Variants in ITGB8 observed in about 807,000 individuals in gnomAD.
ITGB8 encodes the protein integrin subunit beta 8.
Under a neutral mutation model 89.5 loss-of-function variants are expected in ITGB8, and 30 were observed. The observed-to-expected ratio is 0.34, with a 90% confidence interval of 0.25 to 0.45. The LOEUF (loss-of-function observed/expected upper bound fraction) is 0.45. Among genes scored for constraint, ITGB8 ranks in the 20% least tolerant of loss-of-function variants. The probability of loss-of-function intolerance (pLI) is 1.00; values close to 1 mark genes in which losing one functional copy is unlikely to be tolerated. For synonymous variants in ITGB8, 335 were observed against 320.4 expected (o/e 1.05, Z -0.49); for missense variants, 836 against 933.3 (o/e 0.90, Z 1.36).
At chr7:20,333,398 C>T (rs1434391642) in intron 1 of ITGB8, among the ~76,000 whole-genome samples, 1 of 152,048 alleles carries the variant, frequency 6.6e-6, no homozygotes, top group East Asian at 1.9e-4. Context: ...GCAAATTTTC[C>T]GCTAAGCATA....
At chr7:20,403,079 A>G (rs1787379446) in intron 10 of ITGB8, among the ~76,000 whole-genome samples, 1 of 152,240 alleles carries the variant, frequency 6.6e-6, no homozygotes, top group African/African-American at 2.4e-5. Flanking sequence ...AATAAATGCT[A>G]TAATGTAGTC....
rs1414977955 is a variant in ITGB8 at position 20,331,780 on chromosome 7, C to CGGGCGCG, written c.-21_-15dup. The CGGGCGCG allele has an allele frequency of 6.2e-7, 1 of 1,601,360 alleles. No homozygotes were observed. Among genetic ancestry groups the CGGGCGCG allele is most frequent in the Non-Finnish European group, 8.5e-7 (1 of 1,174,282 alleles). ...CCGCGTCCGGAAGGCAGTCAGGCGG[C>CGGGCGCG]GGGCGCGGGGCGGGCTGTTTTGCAT... On this transcript the variant is annotated 5_prime_UTR_variant, in exon 1 of 14. Coordinates refer to ENST00000222573, the MANE Select transcript of ITGB8 (RefSeq NM_002214.3).
chr7:20,409,919 CCGA>C lies in ITGB8; in HGVS notation c.2235_2237del (p.Arg746del). On this transcript the variant is annotated inframe_deletion, in exon 14 of 14. Coordinates refer to ENST00000222573, the MANE Select transcript of ITGB8 (RefSeq NM_002214.3). Reference sequence around the variant, plus strand: ...GTGTTTGCACAAGAGCAGTCACCTACCGACGTGAGAAGCCTGAAGAAATAAAAA... The same window carrying C: ...GTGTTTGCACAAGAGCAGTCACCTACCGTGAGAAGCCTGAAGAAATAAAAA... The C allele has an allele frequency of 6.2e-7, 1 of 1,613,560 alleles. No homozygotes were observed. The highest frequency in any genetic ancestry group is 8.5e-7 in the Non-Finnish European group (1 of 1,179,654).
chr7:20,349,778 A>G (rs1785051516), intron 1 of ITGB8, among the ~76,000 whole-genome samples: 1 of 152,172 alleles, frequency 6.6e-6, no homozygotes, highest in South Asian at 2.1e-4. Context: ...GGCGGGAAAG[A>G]AATATATTCC....
chr7:20,378,775 G>A (rs1786257383), intron 3 of ITGB8, among the ~76,000 whole-genome samples: 1 of 152,096 alleles, frequency 6.6e-6, no homozygotes, highest in Non-Finnish European at 1.5e-5. Context: ...TATGGAGCTG[G>A]CCCATTTGTT....
rs754329333 is a variant in ITGB8 at position 20,404,827 on chromosome 7, C to G, written c.1887C>G (p.Thr629=). 1 of 1,614,182 alleles carries G rather than the reference C, an allele frequency of 6.2e-7. No individual in the cohort carries two copies. Among genetic ancestry groups the G allele is most frequent in the Non-Finnish European group, 8.5e-7 (1 of 1,180,002 alleles). ...GCCGCTTCTGTGAACACTGCCCCAC[C>G]TGTTATACAGCCTGCAAGGAAAACT... is the stretch of plus-strand genomic sequence containing the variant. The part of the protein sequence containing the change: ...SIGRFCEHCP[T]CYTACKENWN... The change falls in exon 11 of 14, where the codon ACC becomes ACG. Residue 629 remains threonine (T), a synonymous_variant. Coordinates refer to ENST00000222573, the MANE Select transcript of ITGB8 (RefSeq NM_002214.3).
At chr7:20,368,494 A>G (rs1785794363) in intron 3 of ITGB8, among the ~76,000 whole-genome samples, 1 of 152,150 alleles carries the variant, frequency 6.6e-6, no homozygotes, top group Non-Finnish European at 1.5e-5. Flanking sequence ...GAAAGTTTGA[A>G]CATTTTCCGT....
At chr7:20,359,241 C>G (rs911025786) in intron 1 of ITGB8, among the ~76,000 whole-genome samples, 2 of 152,170 alleles carry the variant, frequency 1.3e-5, no homozygotes, top group Non-Finnish European at 2.9e-5. Context: ...AGAGGAGGAT[C>G]TGAGGATCTG....
intron 3 of ITGB8, chr7:20,377,320 C>A (rs1358043559): frequency 6.6e-6 from 1 of 152,134 alleles, no homozygotes; most frequent in Admixed American, 6.5e-5. Context: ...CAAAAACAAT[C>A]TTTTTTAAAT....
intron 3 of ITGB8, among the ~76,000 whole-genome samples, chr7:20,370,377 T>C (rs1785878881): frequency 2.0e-5 from 3 of 151,540 alleles, no homozygotes; most frequent in East Asian, 3.9e-4. Context: ...TGACTCAAGA[T>C]AGAGAACCCT....
chr7:20,394,728 G>A (rs1411925950), intron 7 of ITGB8, among the ~76,000 whole-genome samples, 168 bp from the exon 8 acceptor site: 1 of 152,172 alleles, frequency 6.6e-6, no homozygotes, highest in East Asian at 1.9e-4. Context: ...ATGGGTATAT[G>A]TTCTGGCTGC....
At chr7:20,375,403 G>T (rs1786099413) in intron 3 of ITGB8, among the ~76,000 whole-genome samples, 1 of 150,786 alleles carries the variant, frequency 6.6e-6, no homozygotes, top group South Asian at 2.1e-4. Context: ...CAGAAGAATT[G>T]AATGATATTT....
In ITGB8 at chr7:20,379,115, T is replaced by C; in HGVS notation, c.453T>C (p.Tyr151=). 3.1e-6 allele frequency: 5 copies of C among 1,601,838 alleles called. No homozygotes were observed. Among genetic ancestry groups the C allele is most frequent in the Non-Finnish European group, 4.3e-6 (5 of 1,172,094 alleles). ...AGAAATATCCTGTGGATCTTTATTATCTTGTTGATGTCTCAGCATCAATGC... is the reference window on the plus strand; with the variant it reads ...AGAAATATCCTGTGGATCTTTATTACCTTGTTGATGTCTCAGCATCAATGC... ...PLKKYPVDLY[Y]LVDVSASMHN... The change falls in exon 4 of 14, where the codon TAT becomes TAC. Residue 151 remains tyrosine (Y), a synonymous_variant. Coordinates refer to ENST00000222573, the MANE Select transcript of ITGB8 (RefSeq NM_002214.3).
intron 1 of ITGB8, chr7:20,346,897 T>C: frequency 1.0e-6 from 1 of 971,344 alleles, no homozygotes; most frequent in Non-Finnish European, 1.2e-6. Flanking sequence ...TGCTATGGTC[T>C]AAATGTTTTT....
intron 1 of ITGB8, among the ~76,000 whole-genome samples, chr7:20,348,766 A>G (rs1054921223): frequency 2.0e-5 from 3 of 152,198 alleles, no homozygotes; most frequent in Non-Finnish European, 4.4e-5. Context: ...ATAGAGATTG[A>G]TAAGTGTTGC....
intron 9 of ITGB8, among the ~76,000 whole-genome samples, chr7:20,399,548 G>A (rs1787221453): frequency 7.3e-6 from 1 of 137,268 alleles, no homozygotes; most frequent in Admixed American, 7.7e-5. Context: ...ATACAAAATG[G>A]GAAGAGTCAT....
At chr7:20,407,105 G>A (rs1367987893) in intron 12 of ITGB8, among the ~76,000 whole-genome samples, 1 of 151,990 alleles carries the variant, frequency 6.6e-6, no homozygotes, top group Non-Finnish European at 1.5e-5. Flanking sequence ...AGTTTACATG[G>A]GGAACTCATA....
In ITGB8 at chr7:20,411,059, A is replaced by T. The variant is rs1159608085; in HGVS notation, c.*1062A>T. 6.7e-6 allele frequency: 1 copy of T among 149,732 alleles called. No individual in the cohort carries two copies. The highest frequency in any genetic ancestry group is 2.4e-5 in the African/African-American group (1 of 40,894). The allele number at this position is 149,732 out of a possible 1,614,324, so 9.3% of individuals were successfully genotyped here. ...CTTCTCCCTTCAAGGCAGCCTAAGG[A>T]TGTTCTTTCCCAGAATCACTCCAAC... On this transcript the variant is annotated 3_prime_UTR_variant, in exon 14 of 14. Coordinates refer to ENST00000222573, the MANE Select transcript of ITGB8 (RefSeq NM_002214.3).
chr7:20,331,582 A>T lies in ITGB8; in HGVS notation c.-225A>T. 2.1e-6 allele frequency: 1 copy of T among 469,430 alleles called. No homozygotes were observed. The highest frequency in any genetic ancestry group is 3.6e-6 in the Non-Finnish European group (1 of 278,274). The allele number at this position is 469,430 out of a possible 1,614,324, so 29.1% of individuals were successfully genotyped here. On this transcript the variant is annotated 5_prime_UTR_variant, in exon 1 of 14. Coordinates refer to ENST00000222573, the MANE Select transcript of ITGB8 (RefSeq NM_002214.3). ...AGGTGCTTCTCGCGGAGACCGCGGG[A>T]CCCGCCGTGCCGAGCCGGGAGGGCC...
Sources: allele counts gnomAD v4.1 joint callset (sites outside exome capture counted in the v4.1 genomes callset), GRCh38; gene constraint gnomAD v4.1.1; transcripts MANE v1.5; gene names NCBI Gene and HGNC (gene_info 2026-07-23, HGNC 2026-07-21).